The following CUL3 variants were observed in gnomAD, a reference collection of about 807,000 sequenced individuals.
CUL3 encodes cullin-3.
A neutral mutation model predicts 89.1 loss-of-function variants in CUL3; 19 were observed. That is an observed-to-expected ratio of 0.21 (90% CI 0.15 to 0.31). The LOEUF (loss-of-function observed/expected upper bound fraction) is 0.31, where lower values mean the gene tolerates loss of function less well. Ranked by LOEUF, CUL3 falls within the 10% of genes least tolerant of loss-of-function variation. The probability of loss-of-function intolerance (pLI) is 1.00; values close to 1 mark genes in which losing one functional copy is unlikely to be tolerated. For missense variants in CUL3, 469 were observed against 942.3 expected (o/e 0.50, Z 6.58); for synonymous variants, 351 against 308.4 (o/e 1.14, Z -1.45).
intron 1 of CUL3, among the ~76,000 whole-genome samples, chr2:224,570,718 C>G (rs1043982956): frequency 2.2e-4 from 34 of 152,220 alleles, no homozygotes; most frequent in Admixed American, 7.9e-4. Context: ...ACAACCTGAT[C>G]GACATTCAAT....
At chr2:224,483,637 C>T (rs1405405077) in intron 13 of CUL3, among the ~76,000 whole-genome samples, 1 of 152,166 alleles carries the variant, frequency 6.6e-6, no homozygotes, top group Non-Finnish European at 1.5e-5. Flanking sequence ...CGTACACGAA[C>T]ACATCCACCT....
rs568894619 is a variant in CUL3 at position 224,568,535 on chromosome 2, G to C, written c.67-10679C>G. ...GGCACAATGATACAGGAAAACGGTT[G>C]AATGTGTTTACCCTCAGCAATTAAT... On this transcript the variant is annotated intron_variant, in intron 1 of 15. Coordinates refer to ENST00000264414, the MANE Select transcript of CUL3 (RefSeq NM_003590.5). Among the ~76,000 whole-genome samples the C allele has an allele frequency of 2.0e-5, 3 of 152,334 alleles. No individual in the cohort carries two copies. In the South Asian group the frequency reaches 6.2e-4, roughly 32 times the overall value.
chr2:224,495,656 A>G (rs1692145131), intron 13 of CUL3, 176 bp downstream of exon 13: 2 of 456,604 alleles, frequency 4.4e-6, no homozygotes, highest in Admixed American at 4.0e-5. Context: ...TAATTTAAAA[A>G]TAAGACATAA....
chr2:224,582,265 C>G (rs1240907418), intron 1 of CUL3, among the ~76,000 whole-genome samples: 1 of 152,204 alleles, frequency 6.6e-6, no homozygotes, highest in Admixed American at 6.5e-5. Context: ...CTGCGCCCGG[C>G]CATATTTTTT....
intron 15 of CUL3, among the ~76,000 whole-genome samples, chr2:224,475,009 G>A (rs1055202326): frequency 6.6e-6 from 1 of 152,070 alleles, no homozygotes; most frequent in Non-Finnish European, 1.5e-5. Flanking sequence ...GCATGTATGA[G>A]TTTATTTAAT....
At chr2:224,507,594 T>G (rs1292812466) in intron 6 of CUL3, among the ~76,000 whole-genome samples, 7 of 152,182 alleles carry the variant, frequency 4.6e-5, no homozygotes, top group Non-Finnish European at 1.0e-4. Flanking sequence ...ATACCACTTC[T>G]TCAATATTTT....
At chr2:224,573,888 C>G (rs1285239958) in intron 1 of CUL3, among the ~76,000 whole-genome samples, 1 of 152,104 alleles carries the variant, frequency 6.6e-6, no homozygotes, top group African/African-American at 2.4e-5. Flanking sequence ...TCTAAAACAG[C>G]CTACCACAAG....
intron 15 of CUL3, chr2:224,474,590 A>G (rs1481279153): frequency 2.1e-6 from 1 of 484,026 alleles, no homozygotes; most frequent in East Asian, 3.3e-5. Context: ...GCTAAAGTGG[A>G]TAGCAGTTGA....
intron 1 of CUL3, among the ~76,000 whole-genome samples, chr2:224,582,226 C>A (rs564512605): frequency 1.3e-5 from 2 of 152,336 alleles, no homozygotes; most frequent in East Asian, 3.9e-4. Context: ...CTCGGCCTCC[C>A]AAAGTGCTGG....
intron 1 of CUL3, among the ~76,000 whole-genome samples, chr2:224,576,263 T>C (rs2106324844): frequency 6.6e-6 from 1 of 152,234 alleles, no homozygotes. Flanking sequence ...AGGGATGAGA[T>C]GCGAAGAACA....
At chr2:224,510,662 A>G (rs1196517115) in intron 6 of CUL3, among the ~76,000 whole-genome samples, 1 of 152,218 alleles carries the variant, frequency 6.6e-6, no homozygotes, top group Non-Finnish European at 1.5e-5. Flanking sequence ...AAAGCATCAG[A>G]AACTAAGAAT....
At chr2:224,581,900 A>G (rs1346960476) in intron 1 of CUL3, among the ~76,000 whole-genome samples, 4 of 152,222 alleles carry the variant, frequency 2.6e-5, no homozygotes, top group Non-Finnish European at 2.9e-5. Flanking sequence ...GTAAAATACA[A>G]TAATTTTTAA....
chr2:224,496,239 C>G (rs1692167737), intron 12 of CUL3, among the ~76,000 whole-genome samples: 1 of 152,126 alleles, frequency 6.6e-6, no homozygotes, highest in Admixed American at 6.5e-5. Context: ...CCATGTTGCC[C>G]ATGCTGGTCT....
intron 1 of CUL3, among the ~76,000 whole-genome samples, chr2:224,581,365 C>T (rs1695432645): frequency 6.8e-6 from 1 of 146,438 alleles, no homozygotes; most frequent in Non-Finnish European, 1.5e-5. Flanking sequence ...CACTGCACTT[C>T]AGCCTGGGTG....
chr2:224,575,984 G>A (rs189928870), intron 1 of CUL3, among the ~76,000 whole-genome samples: 15 of 152,278 alleles, frequency 9.9e-5, no homozygotes, highest in Admixed American at 5.2e-4. Flanking sequence ...ATAGAGGCTA[G>A]ACATAATATC....
At chr2:224,551,182 G>A (rs1326965971) in intron 2 of CUL3, among the ~76,000 whole-genome samples, 1 of 151,546 alleles carries the variant, frequency 6.6e-6, no homozygotes, top group Non-Finnish European at 1.5e-5. Context: ...TGTGACTACA[G>A]GTGTGTGCCA....
At chr2:224,519,108 T>C in intron 3 of CUL3, among the ~76,000 whole-genome samples, 1 of 152,186 alleles carries the variant, frequency 6.6e-6, no homozygotes, top group East Asian at 1.9e-4. Flanking sequence ...ACTCTGAAAC[T>C]CTGAGCATCA....
intron 1 of CUL3, among the ~76,000 whole-genome samples, chr2:224,575,691 C>T (rs1695282768): frequency 6.6e-6 from 1 of 152,156 alleles, no homozygotes; most frequent in Non-Finnish European, 1.5e-5. Context: ...AGGTAGGTAT[C>T]ATCATTTTTT....
intron 13 of CUL3, among the ~76,000 whole-genome samples, chr2:224,487,435 G>GCCCCAC (rs1691769820): frequency 1.9e-5 from 1 of 51,748 alleles, no homozygotes; most frequent in African/African-American, 1.3e-4. Context: ...TACCAAGCCC[G>GCCCCAC]CCCCCCCCAA....
Sources: gnomAD v4.1 joint callset for allele counts (sites outside exome capture counted in the v4.1 genomes callset) on GRCh38, gnomAD v4.1.1 for gene constraint, MANE v1.5 for transcripts, NCBI Gene and HGNC (gene_info 2026-07-23, HGNC 2026-07-21) for gene names.